Variants in WFS1 observed in about 807,000 individuals in gnomAD.
The protein encoded by WFS1 is wolframin ER transmembrane glycoprotein.
A neutral mutation model predicts 68.5 loss-of-function variants in WFS1; 90 were observed. That is an observed-to-expected ratio of 1.31 (90% CI 1.11 to 1.56). WFS1 has a LOEUF of 1.56. WFS1 is among the 40% of genes most tolerant of loss of function. WFS1 has a pLI of 0.00. For synonymous variants in WFS1, 860 were observed against 540.7 expected (o/e 1.59, Z -8.19); for missense variants, 1,767 against 1,232.6 (o/e 1.43, Z -6.49).
rs1425913383 is a variant in WFS1 at position 6,301,093 on chromosome 4, C to T, written c.1298C>T (p.Ala433Val). The change falls in exon 8 of 8, where the codon GCT becomes GTT. Residue 433 changes from alanine (A) to valine (V), a missense_variant. Physicochemically the swap from Ala to Val is moderately conservative, Grantham distance 64. Transcript: ENST00000226760. ...SKDCIPCSEL[A>V]VITGFFTVTS... ...GACTGCATCCCCTGCTCGGAGCTGG[C>T]TGTCATCACCGGCTTCTTTACCGTG... is the stretch of plus-strand genomic sequence containing the variant. 1.2e-6 allele frequency: 2 copies of T among 1,614,012 alleles called. No homozygotes were observed. Among genetic ancestry groups the T allele is most frequent in the Non-Finnish European group, 1.7e-6 (2 of 1,180,040 alleles).
Position 6,300,885 on chromosome 4 carries a change from G to C in WFS1, c.1090G>C (p.Val364Leu). Reference sequence around the variant, plus strand: ...CTCCATGGTGATCTGCACCCTCAAGGTGTTCCAGGACAGCAAGGCCTGGGA... The same window carrying C: ...CTCCATGGTGATCTGCACCCTCAAGCTGTTCCAGGACAGCAAGGCCTGGGA... ...FISMVICTLKVFQDSKAWENF... is the reference protein window; with the variant it reads ...FISMVICTLKLFQDSKAWENF... Residue 364 changes from valine to leucine, a missense_variant, in exon 8 of 8, where the codon GTG becomes CTG. Coordinates refer to ENST00000226760, the MANE Select transcript of WFS1 (RefSeq NM_006005.3). The C allele has an allele frequency of 1.9e-6, 3 of 1,614,096 alleles. No individual in the cohort carries two copies. The highest frequency in any genetic ancestry group is 2.5e-6 in the Non-Finnish European group (3 of 1,180,014).
intron 5 of WFS1, 91 bp from the exon 6 acceptor site, chr4:6,291,826 C>T (rs932481007): frequency 6.8e-5 from 95 of 1,388,952 alleles, no homozygotes; most frequent in Non-Finnish European, 9.1e-5. Context: ...AACTGGCGTG[C>T]CCTAGGAACA....
intron 2 of WFS1, among the ~76,000 whole-genome samples, chr4:6,284,011 T>C (rs546105405): frequency 3.3e-5 from 5 of 151,956 alleles, no homozygotes; most frequent in Admixed American, 3.3e-4. Flanking sequence ...AGCTAACTGG[T>C]CTGCAGGACG....
intron 6 of WFS1, among the ~76,000 whole-genome samples, chr4:6,293,712 C>T (rs1730541486): frequency 6.6e-6 from 1 of 152,158 alleles, no homozygotes; most frequent in Non-Finnish European, 1.5e-5. Context: ...GGACATCCTG[C>T]CCAAGGTATT....
intron 2 of WFS1, among the ~76,000 whole-genome samples, chr4:6,286,244 A>AC (rs962969558): frequency 6.6e-6 from 1 of 152,072 alleles, no homozygotes; most frequent in East Asian, 1.9e-4. Flanking sequence ...TGAGGTCTTC[A>AC]CCCCCAGTCC....
rs1313761390 is a variant in WFS1, at chr4:6,283,364, A to G, written c.233-3729A>G. On this transcript the variant is annotated intron_variant, in intron 2 of 7. Coordinates refer to ENST00000226760, the MANE Select transcript of WFS1 (RefSeq NM_006005.3). This position sits in a 1 kb window ranked among gnomAD's most constrained non-coding sequence, Gnocchi z 5.0. ...AGGACCCTTTTAGTTGTAAGTGACA[A>G]AATCTCAATATAAATTGACACAAGC... is the stretch of plus-strand genomic sequence containing the variant. Among the ~76,000 whole-genome samples the G allele has an allele frequency of 2.6e-5, 4 of 152,222 alleles. No homozygotes were observed. In the East Asian group the frequency reaches 7.7e-4, roughly 29 times the overall value.
intron 2 of WFS1, among the ~76,000 whole-genome samples, chr4:6,281,091 T>C (rs558081199): frequency 5.5e-4 from 83 of 151,944 alleles, no homozygotes; most frequent in Middle Eastern, 3.4e-3. Context: ...CTCCCAGCCA[T>C]TGGGGGTAGG....
intron 4 of WFS1, among the ~76,000 whole-genome samples, chr4:6,290,549 A>G (rs968609980): frequency 2.6e-5 from 4 of 152,250 alleles, no homozygotes; most frequent in African/African-American, 9.6e-5. Context: ...AAAGAAATAC[A>G]TGCTCATGTG....
intron 1 of WFS1, among the ~76,000 whole-genome samples, chr4:6,275,269 G>A (rs1289566367): frequency 3.3e-5 from 5 of 152,204 alleles, no homozygotes; most frequent in African/African-American, 1.2e-4. Flanking sequence ...AGAGAAGGTA[G>A]ACAAGGCCAC....
intron 2 of WFS1, among the ~76,000 whole-genome samples, chr4:6,281,158 G>GA (rs1730151844): frequency 6.6e-6 from 1 of 152,214 alleles, no homozygotes; most frequent in African/African-American, 2.4e-5. Flanking sequence ...GAGCCCTGGG[G>GA]AGGAGGTGCA....
At chr4:6,291,136 A>G in intron 4 of WFS1, 61 bp from the exon 5 acceptor site, 1 of 1,583,432 alleles carries the variant, frequency 6.3e-7, no homozygotes, top group Non-Finnish European at 8.6e-7. Flanking sequence ...TGGCAGGGTC[A>G]GAGTGGCACC....
intron 1 of WFS1, among the ~76,000 whole-genome samples, chr4:6,274,584 T>C (rs1729936819): frequency 6.6e-6 from 1 of 152,078 alleles, no homozygotes; most frequent in South Asian, 2.1e-4. Context: ...GCTGTGTGTT[T>C]ACCTGAGTAG....
chr4:6,301,672 C>T lies in WFS1; in HGVS notation c.1877C>T (p.Ser626Phe), dbSNP rs769320560. ...ASFSVVGMVKSLTRSSMVKLI... is the reference protein window; with the variant it reads ...ASFSVVGMVKFLTRSSMVKLI... ...TTCTCTGTGGTGGGGATGGTGAAGT[C>T]CCTGACGCGGAGCTCCATGGTCAAG... The change falls in exon 8 of 8, where the codon TCC (serine) becomes TTC (phenylalanine). Residue 626 changes from serine to phenylalanine, a missense_variant. Physicochemically the swap from Ser to Phe is radical, Grantham distance 155. Coordinates refer to ENST00000226760, the MANE Select transcript of WFS1 (RefSeq NM_006005.3). 4.3e-6 allele frequency: 7 copies of T among 1,614,084 alleles called. No individual in the cohort carries two copies. The South Asian group carries it at 7.7e-5, about 18-fold the overall frequency.
intron 6 of WFS1, among the ~76,000 whole-genome samples, chr4:6,293,376 GTTC>G (rs1560411873): frequency 3.9e-5 from 6 of 152,250 alleles, no homozygotes; most frequent in African/African-American, 1.4e-4. Context: ...CTATCAGAAC[GTTC>G]CCATCAGGCA....
intron 2 of WFS1, among the ~76,000 whole-genome samples, chr4:6,284,781 T>C (rs1332383381): frequency 6.6e-6 from 1 of 151,138 alleles, no homozygotes; most frequent in Non-Finnish European, 1.5e-5. Context: ...TTCGGAGCAG[T>C]GATGTGGCCT....
In WFS1 at chr4:6,301,010, T is replaced by C. The variant is rs1298906925; in HGVS notation, c.1215T>C (p.Tyr405=). The C allele has an allele frequency of 1.2e-6, 2 of 1,614,038 alleles. No individual in the cohort carries two copies. Among genetic ancestry groups the C allele is most frequent in the East Asian group, 2.2e-5 (1 of 44,866 alleles). Residue 405 remains tyrosine (Y), a synonymous_variant, in exon 8 of 8, where the codon TAT becomes TAC. Transcript: ENST00000226760. ...TCGGCTGGAACCACCTGGAGCCCTA[T>C]GCCCATTTCCTGCTCTCTGTCTTCT... ...VNFGWNHLEP[Y]AHFLLSVFFV...
At chr4:6,288,955 A>C (rs1220918938) in intron 3 of WFS1, 32 bp from the exon 4 acceptor site, 1 of 1,602,486 alleles carries the variant, frequency 6.2e-7, no homozygotes, top group Non-Finnish European at 8.5e-7. Context: ...AGGGTCGGAG[A>C]ATCTGGAGGC....
intron 1 of WFS1, among the ~76,000 whole-genome samples, chr4:6,276,099 G>T (rs1226395981): frequency 6.6e-6 from 1 of 152,216 alleles, no homozygotes; most frequent in Admixed American, 6.5e-5. Context: ...TCCCTGCTCT[G>T]TGCCTCAGAG....
Position 6,300,679 on chromosome 4 carries a change from C to T in WFS1, c.884C>T (p.Ala295Val), listed in dbSNP as rs1310473702. ...RLKVVKYPLH[A>V]IMEIKEYLID... ...CAGGTGGTCAAGTACCCCCTGCACG[C>T]CATCATGGAGATCAAGGAGTACCTG... is the stretch of plus-strand genomic sequence containing the variant. Residue 295 changes from alanine (A) to valine (V), a missense_variant, in exon 8 of 8, where the codon GCC becomes GTC. Ala to Val is a moderately conservative substitution (Grantham distance 64). Coordinates refer to ENST00000226760, the MANE Select transcript of WFS1 (RefSeq NM_006005.3). The T allele has an allele frequency of 6.2e-7, 1 of 1,613,910 alleles. No homozygotes were observed. Among genetic ancestry groups the T allele is most frequent in the Non-Finnish European group, 8.5e-7 (1 of 1,179,982 alleles).
Sources: allele counts gnomAD v4.1 joint callset (sites outside exome capture counted in the v4.1 genomes callset), GRCh38; gene constraint gnomAD v4.1.1; non-coding constraint Gnocchi (gnomAD v3.1); transcripts MANE v1.5; gene names NCBI Gene and HGNC (gene_info 2026-07-23, HGNC 2026-07-21).